Variants in KIF24 observed in about 807,000 individuals in gnomAD.
KIF24 encodes kinesin family member 24, also known as kinesin-like protein KIF24.
KIF24 carries 81 observed loss-of-function variants against 118.9 expected under a neutral mutation model. The ratio of observed to expected loss-of-function variants is 0.68; its 90% confidence interval spans 0.57 to 0.82. The LOEUF (loss-of-function observed/expected upper bound fraction) is 0.82. Among genes scored for constraint, KIF24 ranks in the 40% least tolerant of loss-of-function variants. The pLI is 0.00. For missense variants in KIF24, 1,560 were observed against 1,661.6 expected, an observed-to-expected ratio of 0.94 and a Z score of 1.06; for synonymous variants, 599 against 610.0, an observed-to-expected ratio of 0.98 and a Z score of 0.27.
chr9:34,288,848 CCACACACACACACACACACACACA>C (rs10537521), intron 5 of KIF24, among the ~76,000 whole-genome samples: 5 of 138,980 alleles, frequency 3.6e-5, no homozygotes, highest in East Asian at 2.2e-4. Flanking sequence ...CCCAAATAAA[CCACACACACACACACACACACACA>C]CACACACACA....
chr9:34,331,742 A>G (rs2131851379), upstream of KIF24, among the ~76,000 whole-genome samples: 1 of 152,340 alleles, frequency 6.6e-6, no homozygotes, highest in Non-Finnish European at 1.5e-5. Flanking sequence ...ATAGGATGAG[A>G]TGATCACTGA....
intron 1 of KIF24, among the ~76,000 whole-genome samples, chr9:34,321,968 TA>T (rs1837540017): frequency 6.6e-6 from 1 of 152,184 alleles, no homozygotes; most frequent in Admixed American, 6.5e-5. Context: ...TCAACAGAGA[TA>T]ATCTAATCTG....
chr9:34,269,296 T>C lies in KIF24; in HGVS notation c.1404A>G (p.Thr468=). ...GATTTATTTCTGCACCTTCCATCTT[T>C]GTCTGTCTATCTGAGTCCCTTGCAT... The part of the protein sequence containing the change: ...AADARDSDRQ[T]KMEGAEINQS... Residue 468 remains threonine, a synonymous_variant, in exon 8 of 13, where the codon ACA becomes ACG. Coordinates refer to ENST00000402558, the MANE Select transcript of KIF24 (RefSeq NM_194313.4). The C allele has an allele frequency of 6.2e-7, 1 of 1,609,868 alleles. No individual in the cohort carries two copies. Among genetic ancestry groups the C allele is most frequent in the Non-Finnish European group, 8.5e-7 (1 of 1,178,118 alleles).
chr9:34,311,381 G>C lies in KIF24; in HGVS notation c.-25-10C>G, dbSNP rs1055884707. On this transcript the variant is annotated splice_polypyrimidine_tract_variant and intron_variant, in intron 1 of 12. Coordinates refer to ENST00000402558, the MANE Select transcript of KIF24 (RefSeq NM_194313.4). The stretch of plus-strand genomic sequence containing the variant: ...TAGGTTTCTATAAACTCTGAAGAGA[G>C]AAAGAAAAGCCATTCGCTTGAAATA... 3 of 1,442,074 alleles carry C rather than the reference G, an allele frequency of 2.1e-6. No homozygotes were observed. The highest frequency in any genetic ancestry group is 5.3e-5 in the Admixed American group (2 of 38,070). The allele number at this position is 1,442,074 out of a possible 1,614,324, so 89.3% of individuals were successfully genotyped here.
At chr9:34,305,803 G>A (rs576082361) in intron 3 of KIF24, among the ~76,000 whole-genome samples, 4 of 152,062 alleles carry the variant, frequency 2.6e-5, no homozygotes, top group South Asian at 2.1e-4. Context: ...ACAGGATCTC[G>A]CTATGGTGCC....
At chr9:34,298,248 G>T (rs1408752245) in intron 3 of KIF24, among the ~76,000 whole-genome samples, 2 of 152,136 alleles carry the variant, frequency 1.3e-5, no homozygotes, top group Non-Finnish European at 2.9e-5. Flanking sequence ...ACAGTAAGTA[G>T]AAAAGTGAAA....
At chr9:34,262,131 G>A (rs543378254) in intron 9 of KIF24, among the ~76,000 whole-genome samples, 1 of 152,022 alleles carries the variant, frequency 6.6e-6, no homozygotes, top group Non-Finnish European at 1.5e-5. Context: ...TTATAGAAAG[G>A]TTGTTTGGGC....
At chr9:34,311,824 G>A (rs780513931) in intron 1 of KIF24, among the ~76,000 whole-genome samples, 40 of 149,254 alleles carry the variant, frequency 2.7e-4, no homozygotes, top group Non-Finnish European at 5.2e-4. Context: ...ATACACAAAT[G>A]AACACATACA....
chr9:34,322,868 T>G (rs1837566857), intron 1 of KIF24, among the ~76,000 whole-genome samples: 1 of 151,970 alleles, frequency 6.6e-6, no homozygotes. Flanking sequence ...AAAAACAAAT[T>G]AAAGAAACTG....
chr9:34,285,555 A>T (rs1836009674), intron 6 of KIF24, among the ~76,000 whole-genome samples: 1 of 151,876 alleles, frequency 6.6e-6, no homozygotes, highest in African/African-American at 2.4e-5. Context: ...TGGGCGGATC[A>T]TGAGGTCAGG....
chr9:34,332,988 T>C (rs1837987720), upstream of KIF24, among the ~76,000 whole-genome samples: 1 of 152,144 alleles, frequency 6.6e-6, no homozygotes, highest in Non-Finnish European at 1.5e-5. Context: ...GAGGGAGTAG[T>C]CACATAGAAT....
chr9:34,325,189 A>G (rs1837635490), intron 1 of KIF24, among the ~76,000 whole-genome samples: 1 of 151,032 alleles, frequency 6.6e-6, no homozygotes, highest in African/African-American at 2.4e-5. Context: ...AAGTAAATAA[A>G]TAAAAATTAA....
chr9:34,285,141 T>C (rs186140657), intron 6 of KIF24, among the ~76,000 whole-genome samples: 2 of 152,264 alleles, frequency 1.3e-5, no homozygotes, highest in East Asian at 3.9e-4. Flanking sequence ...TTCTGTAATG[T>C]TTAAACTTAA....
At chr9:34,317,644 G>A (rs1379930391) in intron 1 of KIF24, among the ~76,000 whole-genome samples, 20 of 152,116 alleles carry the variant, frequency 1.3e-4, no homozygotes, top group Admixed American at 1.3e-3. Context: ...TCATCCCACT[G>A]TCCAGCCTAT....
At chr9:34,299,020 G>A (rs1836590825) in intron 3 of KIF24, among the ~76,000 whole-genome samples, 1 of 151,894 alleles carries the variant, frequency 6.6e-6, no homozygotes, top group Non-Finnish European at 1.5e-5. Context: ...TACCATGTTG[G>A]TAGGTACAAC....
chr9:34,299,200 A>G (rs1484978983), intron 3 of KIF24, among the ~76,000 whole-genome samples: 1 of 151,818 alleles, frequency 6.6e-6, no homozygotes, highest in East Asian at 1.9e-4. Context: ...TTTTTTTCTG[A>G]GATGGAGTCT....
rs573585372 is a variant in KIF24 at position 34,299,511 on chromosome 9, G to A, written c.814-2397C>T. Among the ~76,000 whole-genome samples, 24 of 151,216 alleles carry A rather than the reference G, an allele frequency of 1.6e-4. 1 individual carries two copies. The highest frequency in any genetic ancestry group is 1.5e-4 in the African/African-American group (6 of 41,182). On this transcript the variant is annotated intron_variant, in intron 3 of 12. Coordinates refer to ENST00000402558, the MANE Select transcript of KIF24 (RefSeq NM_194313.4). ...ATTCTAATATATTATTTGCACCACC[G>A]CATTCTAGCCTGGGCCACAGATGAG...
In KIF24 at chr9:34,310,772, A is replaced by G. The variant is rs757737860; in HGVS notation, c.575T>C (p.Ile192Thr). 3.1e-6 allele frequency: 5 copies of G among 1,610,924 alleles called. No homozygotes were observed. The South Asian group carries it at 3.3e-5, about 11-fold the overall frequency. Residue 192 changes from isoleucine (I) to threonine (T), a missense_variant, in exon 2 of 13, where the codon ATC becomes ACC. This residue lies in a region of KIF24 where 964 missense variants were observed against 988.0 expected (regional missense o/e 0.98). Coordinates refer to ENST00000402558, the MANE Select transcript of KIF24 (RefSeq NM_194313.4). The stretch of plus-strand genomic sequence containing the variant: ...ATAGTTATACCCTGAAACATGAGAG[A>G]TTCTTTGAATAATGGGAATATCACA... Reference protein sequence around the residue: ...GDCDIPIIQRISHVSGYNYGI... With the variant: ...GDCDIPIIQRTSHVSGYNYGI...
rs777188235 is a variant in KIF24, at chr9:34,311,220, A to G, written c.127T>C (p.Leu43=). Residue 43 remains leucine, a synonymous_variant, in exon 2 of 13, where the codon TTA becomes CTA. Transcript: ENST00000402558. ...CGGTCGTTCATGTCATGGACTCCTA[A>G]TTTGGAGTAGTCCTTCATTGTAATC... ...AKITMKDYSK[L]GVHDMNDRKR... is the part of the protein sequence containing the mutation. 2 of 1,613,124 alleles carry G rather than the reference A, an allele frequency of 1.2e-6. No individual in the cohort carries two copies. Among genetic ancestry groups the G allele is most frequent in the South Asian group, 2.2e-5 (2 of 90,960 alleles).
Sources: allele counts gnomAD v4.1 joint callset (sites outside exome capture counted in the v4.1 genomes callset), GRCh38; gene constraint gnomAD v4.1.1; regional missense constraint gnomAD v4.1.1; transcripts MANE v1.5; gene names NCBI Gene and HGNC (gene_info 2026-07-23, HGNC 2026-07-21).